The following ADD1 variants were observed in gnomAD, a reference collection of about 807,000 sequenced individuals.
ADD1 encodes adducin 1.
A neutral mutation model predicts 80.5 loss-of-function variants in ADD1; 24 were observed. The observed-to-expected ratio is 0.30, with a 90% CI of 0.22 to 0.42. The LOEUF (loss-of-function observed/expected upper bound fraction) is 0.42. ADD1 is among the 10% of genes least tolerant of loss of function. The probability of loss-of-function intolerance (pLI) is 1.00; values close to 1 mark genes in which losing one functional copy is unlikely to be tolerated. For missense variants in ADD1, 948 were observed against 1,019.0 expected (o/e 0.93, Z 0.95); for synonymous variants, 373 against 393.8 (o/e 0.95, Z 0.63).
chr4:2,905,046 A>G lies in ADD1; in HGVS notation c.1444A>G (p.Lys482Glu). 6.2e-7 allele frequency: 1 copy of G among 1,614,228 alleles called. No homozygotes were observed. The highest frequency in any genetic ancestry group is 8.5e-7 in the Non-Finnish European group (1 of 1,180,036). ...GACGAACATTACACACGATCACGTGAAACCCTTGCTGCAGTCTCTCTCGTC... is the reference window on the plus strand; with the variant it reads ...GACGAACATTACACACGATCACGTGGAACCCTTGCTGCAGTCTCTCTCGTC... ...VWTNITHDHV[K>E]PLLQSLSSGV... The change falls in exon 10 of 16, where the codon AAA becomes GAA. Residue 482 changes from lysine to glutamate, a missense_variant. Coordinates refer to ENST00000683351, the MANE Select transcript of ADD1 (RefSeq NM_001354761.2).
At chr4:2,869,365 C>G (rs1355107336) in intron 1 of ADD1, among the ~76,000 whole-genome samples, 1 of 152,076 alleles carries the variant, frequency 6.6e-6, no homozygotes, top group Non-Finnish European at 1.5e-5. Context: ...GCGTCCACCT[C>G]TGCCTTCATC....
At chr4:2,890,216 T>C (rs1351417299) in intron 4 of ADD1, among the ~76,000 whole-genome samples, 1 of 149,476 alleles carries the variant, frequency 6.7e-6, no homozygotes, top group African/African-American at 2.5e-5. Flanking sequence ...AAAGAAATAA[T>C]ATCTGGAATA....
intron 3 of ADD1, among the ~76,000 whole-genome samples, chr4:2,883,613 A>T (rs1422954412): frequency 6.6e-6 from 1 of 151,856 alleles, no homozygotes; most frequent in African/African-American, 2.4e-5. Context: ...AGCTCACTAC[A>T]ACCTTGAACT....
intron 4 of ADD1, among the ~76,000 whole-genome samples, chr4:2,890,193 CAA>C (rs764078515): frequency 1.5e-4 from 12 of 78,992 alleles, no homozygotes; most frequent in Middle Eastern, 6.6e-3. Flanking sequence ...GACTCCGTCT[CAA>C]AAAAAAAAAA....
At chr4:2,883,574 C>T (rs1245279289) in intron 3 of ADD1, among the ~76,000 whole-genome samples, 2 of 152,090 alleles carry the variant, frequency 1.3e-5, no homozygotes, top group African/African-American at 4.8e-5. Flanking sequence ...TGCTCTTTCA[C>T]CCATGCTGGA....
At chr4:2,898,557 C>G (rs1735644715) in intron 8 of ADD1, 26 bp downstream of exon 8, 2 of 1,590,430 alleles carry the variant, frequency 1.3e-6, no homozygotes, top group African/African-American at 2.7e-5. Flanking sequence ...TCCAGTCACT[C>G]TGCAGTTTAT....
chr4:2,906,398 A>C (rs894376753), intron 10 of ADD1, among the ~76,000 whole-genome samples: 6 of 152,054 alleles, frequency 3.9e-5, no homozygotes, highest in African/African-American at 7.2e-5. Flanking sequence ...TAAAACAAAA[A>C]AAAAAAACCC....
intron 4 of ADD1, among the ~76,000 whole-genome samples, chr4:2,890,444 G>A (rs539879855): frequency 3.9e-5 from 6 of 152,142 alleles, no homozygotes; most frequent in African/African-American, 1.4e-4. Flanking sequence ...GTCTCACCCT[G>A]TCACCCAGGC....
chr4:2,928,454 G>A lies in ADD1; in HGVS notation c.2331G>A (p.Pro777=), dbSNP rs753120653. The A allele has an allele frequency of 4.9e-5, 79 of 1,613,436 alleles. No individual in the cohort carries two copies. The highest frequency in any genetic ancestry group is 1.1e-4 in the South Asian group (10 of 91,080). The change falls in exon 16 of 16, where the codon CCG becomes CCA. Residue 777 remains proline, a synonymous_variant. Coordinates refer to ENST00000683351, the MANE Select transcript of ADD1 (RefSeq NM_001354761.2). ...GCGATGGGTCTCCAGGCAAGTCCCCGTCCAAAAAGAAGAAGAAGTTCCGTA... is the reference window on the plus strand; with the variant it reads ...GCGATGGGTCTCCAGGCAAGTCCCCATCCAAAAAGAAGAAGAAGTTCCGTA... ...PGSDGSPGKS[P]SKKKKKFRTP...
intron 13 of ADD1, among the ~76,000 whole-genome samples, chr4:2,909,926 C>A (rs1257184411): frequency 1.4e-5 from 2 of 145,472 alleles, no homozygotes; most frequent in Non-Finnish European, 3.0e-5. Flanking sequence ...GGAATTCAGA[C>A]AGTCTTTGTC....
At chr4:2,927,561 G>A (rs762535896) in intron 15 of ADD1, among the ~76,000 whole-genome samples, 3 of 152,248 alleles carry the variant, frequency 2.0e-5, no homozygotes, top group Non-Finnish European at 2.9e-5. Flanking sequence ...CCTCAGGGCC[G>A]CTGTGCTCCT....
At chr4:2,896,036 C>T (rs1226959295) in intron 6 of ADD1, among the ~76,000 whole-genome samples, 7 of 151,778 alleles carry the variant, frequency 4.6e-5, no homozygotes, top group African/African-American at 9.7e-5. Context: ...TACAGGTGCC[C>T]GCCACCTCGC....
intron 9 of ADD1, 35 bp downstream of exon 9, chr4:2,899,470 T>C (rs1306139512): frequency 6.2e-7 from 1 of 1,612,934 alleles, no homozygotes. Flanking sequence ...GATAAACCTT[T>C]TGTTCTAAAA....
chr4:2,917,495 A>T (rs753987969), intron 14 of ADD1, among the ~76,000 whole-genome samples: 2 of 152,086 alleles, frequency 1.3e-5, no homozygotes, highest in Non-Finnish European at 2.9e-5. Flanking sequence ...TTTCATTCTG[A>T]TGATAGTTTC....
Position 2,904,765 on chromosome 4 carries a change from G to A in ADD1, c.1163G>A (p.Gly388Asp). The A allele has an allele frequency of 6.2e-7, 1 of 1,612,008 alleles. No individual in the cohort carries two copies. The highest frequency in any genetic ancestry group is 8.5e-7 in the Non-Finnish European group (1 of 1,178,096). ...TCTTTCACTCTCCTTGGACCCTAGG[G>A]CTACAGAACTGGCTACCCTTATCGA... ...EALMRMLDNL[G>D]YRTGYPYRYP... Residue 388 changes from glycine to aspartate, a missense_variant and splice_region_variant, in exon 10 of 16, where the codon GGC (glycine) becomes GAC (aspartate). Transcript: ENST00000683351.
Position 2,870,655 on chromosome 4 carries a change from C to G in ADD1, c.-20-5241C>G, listed in dbSNP as rs76770341. Among the ~76,000 whole-genome samples, 364 of 152,314 alleles carry G rather than the reference C, an allele frequency of 2.4e-3. 4 individuals are homozygous for G. Among genetic ancestry groups the G allele is most frequent in the African/African-American group, 8.4e-3 (348 of 41,576 alleles). On this transcript the variant is annotated intron_variant, in intron 1 of 15. Transcript: ENST00000683351. ...CTTCACTAGGCTTCTGGAACCTAGT[C>G]TAGCAAAATTAGAGGAAAGGCCCTA...
At chr4:2,915,204 G>A (rs16843589) in intron 14 of ADD1, among the ~76,000 whole-genome samples, 164 bp downstream of exon 14, 38,476 of 152,166 alleles carry the variant, frequency 0.25, 5,211 homozygotes, top group Non-Finnish European at 0.28. Flanking sequence ...AGTCACTCAG[G>A]CCAGAATGGA....
chr4:2,906,058 A>T (rs1737001435), intron 10 of ADD1, among the ~76,000 whole-genome samples: 1 of 152,218 alleles, frequency 6.6e-6, no homozygotes, highest in Non-Finnish European at 1.5e-5. Context: ...TGCTCCTAAA[A>T]CCATGGGCAA....
chr4:2,926,717 C>T lies in ADD1; in HGVS notation c.2047+605C>T, dbSNP rs1396722311. 6.3e-7 allele frequency: 1 copy of T among 1,598,804 alleles called. No individual in the cohort carries two copies. The highest frequency in any genetic ancestry group is 8.6e-7 in the Non-Finnish European group (1 of 1,167,848). ...CTCCGCTCTCCACCGGTGCCCTGCG[C>T]TTTGCCTCATTCTCCTGCTTCTTTG... On this transcript the variant is annotated intron_variant, in intron 15 of 15. Transcript: ENST00000683351. This position sits in a 1 kb window ranked among gnomAD's most constrained non-coding sequence, Gnocchi z 5.0.
Sources: allele counts gnomAD v4.1 joint callset (sites outside exome capture counted in the v4.1 genomes callset), GRCh38; gene constraint gnomAD v4.1.1; non-coding constraint Gnocchi (gnomAD v3.1); transcripts MANE v1.5; gene names NCBI Gene and HGNC (gene_info 2026-07-23, HGNC 2026-07-21).